Variants in ANKH observed in about 807,000 individuals in gnomAD.
ANKH encodes the protein ANKH inorganic pyrophosphate transport regulator.
Under a neutral mutation model 49.0 loss-of-function variants are expected in ANKH, and 15 were observed. The ratio of observed to expected loss-of-function variants is 0.31; its 90% CI spans 0.20 to 0.47. The LOEUF (loss-of-function observed/expected upper bound fraction) is 0.47, where lower values mean the gene tolerates loss of function less well. Ranked by LOEUF, ANKH falls within the 20% of genes least tolerant of loss-of-function variation. The probability of loss-of-function intolerance (pLI) is 1.00; values close to 1 mark genes in which losing one functional copy is unlikely to be tolerated. For missense variants in ANKH, 429 were observed against 652.0 expected, an observed-to-expected ratio of 0.66 and a Z score of 3.72; for synonymous variants, 273 against 260.0, an observed-to-expected ratio of 1.05 and a Z score of -0.48.
chr5:14,864,727 A>G (rs1735593588), intron 1 of ANKH, among the ~76,000 whole-genome samples: 1 of 152,264 alleles, frequency 6.6e-6, no homozygotes, highest in Non-Finnish European at 1.5e-5. Context: ...GTGTTTAACA[A>G]TAAGGTAATA....
At chr5:14,813,187 G>A (rs1339040489) in intron 1 of ANKH, among the ~76,000 whole-genome samples, 2 of 151,862 alleles carry the variant, frequency 1.3e-5, no homozygotes, top group Admixed American at 1.3e-4. Context: ...GTTACAGTGA[G>A]CTATGATCAG....
intron 1 of ANKH, among the ~76,000 whole-genome samples, chr5:14,821,898 T>TC (rs1231412337): frequency 3.3e-5 from 5 of 152,190 alleles, no homozygotes; most frequent in Admixed American, 1.3e-4. Flanking sequence ...CCTTTTTTTT[T>TC]CCATAAAAAT....
chr5:14,754,334 T>G (rs1447749092), intron 4 of ANKH, among the ~76,000 whole-genome samples: 13 of 65,314 alleles, frequency 2.0e-4, no homozygotes, highest in East Asian at 5.5e-4. Flanking sequence ...AAGTTAAGAG[T>G]TTTTTTTTTT....
In ANKH at chr5:14,709,819, G is replaced by A. The variant is rs1474240120; in HGVS notation, c.*1378C>T. On this transcript the variant is annotated 3_prime_UTR_variant, in exon 12 of 12. Transcript: ENST00000284268. ...TGAGCACACAAGCAATCACCGTATT[G>A]TATTAGAGACATTTTATTGAAAATG... The A allele has an allele frequency of 6.6e-6, 1 of 152,566 alleles. No individual in the cohort carries two copies. Among genetic ancestry groups the A allele is most frequent in the East Asian group, 1.9e-4 (1 of 5,192 alleles). The allele number at this position is 152,566 out of a possible 1,614,324, so 9.5% of individuals were successfully genotyped here.
At chr5:14,761,598 GAAT>G (rs1389710581) in intron 2 of ANKH, among the ~76,000 whole-genome samples, 2 of 152,138 alleles carry the variant, frequency 1.3e-5, no homozygotes, top group Non-Finnish European at 2.9e-5. Flanking sequence ...CACCTTGAGT[GAAT>G]AATGACCTTG....
intron 1 of ANKH, chr5:14,870,428 T>C (rs1271360228): frequency 4.6e-5 from 7 of 152,096 alleles, no homozygotes; most frequent in Admixed American, 1.3e-4. Flanking sequence ...TTAAGTCTCT[T>C]GACTTAAAAG....
At chr5:14,778,173 C>T (rs1011900405) in intron 1 of ANKH, among the ~76,000 whole-genome samples, 1 of 152,204 alleles carries the variant, frequency 6.6e-6, no homozygotes, top group Non-Finnish European at 1.5e-5. Flanking sequence ...CATCCTGATC[C>T]TCGCAGTCCT....
intron 1 of ANKH, among the ~76,000 whole-genome samples, chr5:14,790,855 C>G (rs2126543546): frequency 6.6e-6 from 1 of 152,322 alleles, no homozygotes; most frequent in Non-Finnish European, 1.5e-5. Context: ...AGAGATCCAC[C>G]TGCCTTGGCC....
At chr5:14,847,108 C>T (rs1418288119) in intron 1 of ANKH, among the ~76,000 whole-genome samples, 2 of 151,326 alleles carry the variant, frequency 1.3e-5, no homozygotes, top group Admixed American at 1.3e-4. Flanking sequence ...AGGCAAAAAG[C>T]GTTGCTCTTA....
chr5:14,806,320 GT>G (rs1740708544), intron 1 of ANKH, among the ~76,000 whole-genome samples: 1 of 108,268 alleles, frequency 9.2e-6, no homozygotes, highest in African/African-American at 3.6e-5. Context: ...ATTTGGGTGG[GT>G]AAAAAAAAAA....
chr5:14,811,251 C>T (rs931633046), intron 1 of ANKH, among the ~76,000 whole-genome samples: 1 of 149,812 alleles, frequency 6.7e-6, no homozygotes, highest in Admixed American at 6.6e-5. Flanking sequence ...TATTCATACA[C>T]GATAAAAAGA....
intron 7 of ANKH, 103 bp from the exon 8 acceptor site, chr5:14,742,025 C>T: frequency 3.4e-6 from 3 of 886,776 alleles, no homozygotes; most frequent in Admixed American, 2.0e-5. Context: ...TCTGATGTGT[C>T]TGAATTAGAG....
chr5:14,721,834 G>T (rs1004743289), intron 8 of ANKH, among the ~76,000 whole-genome samples: 4 of 148,466 alleles, frequency 2.7e-5, no homozygotes, highest in African/African-American at 9.9e-5. Context: ...TGAGGCTGAG[G>T]CAGGAGAATG....
At chr5:14,830,444 G>T (rs778491061) in intron 1 of ANKH, among the ~76,000 whole-genome samples, 2 of 152,132 alleles carry the variant, frequency 1.3e-5, no homozygotes, top group Admixed American at 1.3e-4. Context: ...GCTGCAGTGG[G>T]GGAAGGAAGT....
intron 1 of ANKH, among the ~76,000 whole-genome samples, chr5:14,827,978 C>G (rs1446535691): frequency 2.6e-5 from 4 of 152,192 alleles, no homozygotes; most frequent in African/African-American, 7.2e-5. Context: ...TCAGATCATA[C>G]CACGTGGGCA....
At chr5:14,845,843 CTTTTTTTTTTT>C (rs59264153) in intron 1 of ANKH, among the ~76,000 whole-genome samples, 11 of 82,564 alleles carry the variant, frequency 1.3e-4, no homozygotes, top group Non-Finnish European at 1.8e-4. Flanking sequence ...CCTATGCACA[CTTTTTTTTTTT>C]TTTTTTTTTT....
chr5:14,731,421 C>A (rs79089301), intron 8 of ANKH, among the ~76,000 whole-genome samples: 5,356 of 152,210 alleles, frequency 0.035, 122 homozygotes, highest in Non-Finnish European at 0.048. Flanking sequence ...AAAAATGTGC[C>A]ACGAGAAAGA....
chr5:14,748,167 C>G (rs1738599393), intron 6 of ANKH, among the ~76,000 whole-genome samples: 1 of 152,136 alleles, frequency 6.6e-6, no homozygotes, highest in Non-Finnish European at 1.5e-5. Context: ...GAAACTTGAA[C>G]TGAAGTATTC....
intron 1 of ANKH, among the ~76,000 whole-genome samples, chr5:14,821,510 C>A (rs1741196043): frequency 6.6e-6 from 1 of 152,242 alleles, no homozygotes; most frequent in South Asian, 2.1e-4. Context: ...TGAATTAACA[C>A]TGACCGTTTT....
Sources: allele counts gnomAD v4.1 joint callset (sites outside exome capture counted in the v4.1 genomes callset), GRCh38; gene constraint gnomAD v4.1.1; transcripts MANE v1.5; gene names NCBI Gene and HGNC (gene_info 2026-07-23, HGNC 2026-07-21).